Variants in PTPRD observed in about 807,000 individuals in gnomAD.
The protein encoded by PTPRD is receptor-type tyrosine-protein phosphatase delta.
PTPRD carries 34 observed loss-of-function variants against 214.5 expected under a neutral mutation model. The ratio of observed to expected loss-of-function variants is 0.16; its 90% CI spans 0.12 to 0.21. The LOEUF (loss-of-function observed/expected upper bound fraction) is 0.21, where lower values mean the gene tolerates loss of function less well. PTPRD is among the 10% of genes least tolerant of loss of function. The pLI, the probability that PTPRD is intolerant of heterozygous loss-of-function variation, is 1.00. For synonymous variants in PTPRD, 1,128 were observed against 845.7 expected (o/e 1.33, Z -5.79); for missense variants, 2,545 against 2,398.7 (o/e 1.06, Z -1.27).
intron 12 of PTPRD, among the ~76,000 whole-genome samples, chr9:8,666,992 T>C (rs1319425424): frequency 5.3e-5 from 8 of 152,206 alleles, no homozygotes; most frequent in Admixed American, 5.2e-4. Flanking sequence ...ATAACAATGT[T>C]ATTTAATATA....
At chr9:8,330,106 C>A (rs546058846) in intron 44 of PTPRD, among the ~76,000 whole-genome samples, 1 of 152,102 alleles carries the variant, frequency 6.6e-6, no homozygotes, top group African/African-American at 2.4e-5. Context: ...CAGTCTCTCA[C>A]GGCTTCCCTT....
In PTPRD at chr9:8,428,743, C is replaced by T. The variant is rs116255160; in HGVS notation, c.4086+7849G>A. Among the ~76,000 whole-genome samples the T allele has an allele frequency of 3.7e-3, 557 of 152,166 alleles. 6 individuals are homozygous for T. The highest frequency in any genetic ancestry group is 0.02 in the Middle Eastern group (6 of 294). ...TGTATGATTCTTGAATACATGTCCCCCCTCATGAGCTTACACATAAATTAT... is the reference window on the plus strand; with the variant it reads ...TGTATGATTCTTGAATACATGTCCCTCCTCATGAGCTTACACATAAATTAT... On this transcript the variant is annotated intron_variant, in intron 35 of 45. Coordinates refer to ENST00000381196, the MANE Select transcript of PTPRD (RefSeq NM_002839.4).
At chr9:8,386,421 G>A (rs533702369) in intron 37 of PTPRD, among the ~76,000 whole-genome samples, 5 of 152,064 alleles carry the variant, frequency 3.3e-5, no homozygotes, top group Non-Finnish European at 7.4e-5. Flanking sequence ...TTTACAAGAC[G>A]CACACATATT....
At chr9:10,464,200 C>G (rs866674862) in intron 2 of PTPRD, among the ~76,000 whole-genome samples, 14 of 152,096 alleles carry the variant, frequency 9.2e-5, no homozygotes, top group Non-Finnish European at 1.6e-4. Context: ...GAGTTTCAGA[C>G]CAGCCTGACC....
intron 14 of PTPRD, among the ~76,000 whole-genome samples, chr9:8,583,310 T>TC (rs1480974683): frequency 2.5e-5 from 1 of 40,478 alleles, no homozygotes; most frequent in South Asian, 7.3e-4. Context: ...TGGCCCAGGG[T>TC]TGGGGACCCC....
chr9:9,928,755 T>TAC (rs545488105), intron 5 of PTPRD, among the ~76,000 whole-genome samples: 10 of 109,670 alleles, frequency 9.1e-5, no homozygotes, highest in African/African-American at 3.3e-4. Context: ...TCTCTCTCTC[T>TAC]ATACACACAC....
intron 3 of PTPRD, among the ~76,000 whole-genome samples, chr9:10,264,920 G>C (rs575326930): frequency 6.6e-6 from 1 of 152,144 alleles, no homozygotes; most frequent in Non-Finnish European, 1.5e-5. Flanking sequence ...TAGTGAATAA[G>C]TCTCATGAGA....
intron 11 of PTPRD, among the ~76,000 whole-genome samples, chr9:8,871,472 C>T (rs2098297501): frequency 6.6e-6 from 1 of 152,062 alleles, no homozygotes; most frequent in African/African-American, 2.4e-5. Flanking sequence ...AACAGAGTTC[C>T]TGTGGGAAAT....
At chr9:8,546,770 G>C (rs1005046325) in intron 14 of PTPRD, among the ~76,000 whole-genome samples, 1 of 152,102 alleles carries the variant, frequency 6.6e-6, no homozygotes, top group Non-Finnish European at 1.5e-5. Flanking sequence ...CAAAGTCCTG[G>C]GATTCCAGGC....
chr9:9,578,797 A>C (rs1184142525), intron 7 of PTPRD, among the ~76,000 whole-genome samples: 1 of 152,104 alleles, frequency 6.6e-6, no homozygotes, highest in Non-Finnish European at 1.5e-5. Flanking sequence ...TCTTACTATC[A>C]ATATGTTGTA....
At chr9:10,056,610 A>C (rs1004336706) in intron 3 of PTPRD, among the ~76,000 whole-genome samples, 1 of 152,118 alleles carries the variant, frequency 6.6e-6, no homozygotes, top group Non-Finnish European at 1.5e-5. Flanking sequence ...AACAATATCC[A>C]TCTTTGCAAA....
intron 30 of PTPRD, among the ~76,000 whole-genome samples, chr9:8,475,065 C>G (rs2096736222): frequency 6.6e-6 from 1 of 152,122 alleles, no homozygotes; most frequent in African/African-American, 2.4e-5. Flanking sequence ...CTCTCTTTCT[C>G]CCACTCCTGA....
intron 4 of PTPRD, among the ~76,000 whole-genome samples, chr9:9,998,129 A>AAAAAAATATATATATATATATAT (rs57991748): frequency 1.1e-5 from 1 of 91,496 alleles, no homozygotes; most frequent in African/African-American, 5.9e-5. Context: ...AAAAAAAAAA[A>AAAAAAATATATATATATATATAT]ATATATATAT....
intron 7 of PTPRD, among the ~76,000 whole-genome samples, chr9:9,602,411 C>T (rs991781347): frequency 6.6e-6 from 1 of 151,876 alleles, no homozygotes; most frequent in Admixed American, 6.6e-5. Context: ...ACATTTTCTA[C>T]AATGTGTTAA....
intron 10 of PTPRD, among the ~76,000 whole-genome samples, chr9:9,151,974 T>A (rs555234065): frequency 3.3e-5 from 5 of 152,312 alleles, no homozygotes; most frequent in Non-Finnish European, 7.4e-5. Flanking sequence ...CTGAATTTGA[T>A]TTGGAGTTTG....
At chr9:8,471,775 C>G (rs1383255588) in intron 30 of PTPRD, among the ~76,000 whole-genome samples, 2 of 152,058 alleles carry the variant, frequency 1.3e-5, no homozygotes, top group South Asian at 4.1e-4. Flanking sequence ...ACACTGAGAA[C>G]AGTCAACTAA....
Position 9,210,336 on chromosome 9 carries a change from T to C in PTPRD, c.-202-26973A>G, listed in dbSNP as rs144539147. On this transcript the variant is annotated intron_variant, in intron 9 of 45. Transcript: ENST00000381196. Reference sequence around the variant, plus strand: ...ATAACAGGTGAGTTTCATCCATATGTATAATAATATTAAGAATCACTGCGT... The same window carrying C: ...ATAACAGGTGAGTTTCATCCATATGCATAATAATATTAAGAATCACTGCGT... Among the ~76,000 whole-genome samples the C allele has an allele frequency of 2.7e-3, 416 of 152,306 alleles. 2 individuals are homozygous for C. The highest frequency in any genetic ancestry group is 9.5e-3 in the African/African-American group (395 of 41,572).
intron 9 of PTPRD, among the ~76,000 whole-genome samples, chr9:9,277,133 T>A (rs1053844256): frequency 6.2e-4 from 94 of 151,438 alleles, no homozygotes; most frequent in Admixed American, 6.1e-3. Flanking sequence ...TTTACATACT[T>A]TATATTTTTA....
At chr9:10,313,948 G>C (rs2096345759) in intron 3 of PTPRD, among the ~76,000 whole-genome samples, 1 of 151,916 alleles carries the variant, frequency 6.6e-6, no homozygotes, top group Admixed American at 6.6e-5. Context: ...TATCACCCTA[G>C]TGCTTTCTGT....
Sources: gnomAD v4.1 joint callset for allele counts (sites outside exome capture counted in the v4.1 genomes callset) on GRCh38, gnomAD v4.1.1 for gene constraint, MANE v1.5 for transcripts, NCBI Gene and HGNC (gene_info 2026-07-23, HGNC 2026-07-21) for gene names.